The following CASR variants were observed in gnomAD, a reference collection of about 807,000 sequenced individuals.
The protein encoded by CASR is extracellular calcium-sensing receptor.
CASR carries 23 observed loss-of-function variants against 69.1 expected under a neutral mutation model. The ratio of observed to expected loss-of-function variants is 0.33; its 90% CI spans 0.24 to 0.47. The LOEUF (loss-of-function observed/expected upper bound fraction) is 0.47. Ranked by LOEUF, CASR falls within the 20% of genes least tolerant of loss-of-function variation. The probability of loss-of-function intolerance (pLI) is 1.00; values close to 1 mark genes in which losing one functional copy is unlikely to be tolerated. For synonymous variants in CASR, 541 were observed against 544.7 expected, an observed-to-expected ratio of 0.99 and a Z score of 0.10; for missense variants, 924 against 1,356.1, an observed-to-expected ratio of 0.68 and a Z score of 5.00.
intron 1 of CASR, among the ~76,000 whole-genome samples, chr3:122,190,174 C>T (rs1416686618): frequency 6.6e-6 from 1 of 152,188 alleles, no homozygotes; most frequent in African/African-American, 2.4e-5. Flanking sequence ...CAATCATGCA[C>T]TCCTTTGGGT....
At chr3:122,277,245 C>T (rs894254250) in intron 5 of CASR, among the ~76,000 whole-genome samples, 4 of 152,038 alleles carry the variant, frequency 2.6e-5, no homozygotes, top group South Asian at 2.1e-4. Flanking sequence ...CGGGGTTTCA[C>T]CATGTTGGCC....
chr3:122,282,829 T>C (rs1559967922), intron 6 of CASR, among the ~76,000 whole-genome samples: 1 of 152,192 alleles, frequency 6.6e-6, no homozygotes, highest in African/African-American at 2.4e-5. Flanking sequence ...AGTGATGGGG[T>C]TATTGCTGCT....
chr3:122,187,145 G>T (rs2107577258), intron 1 of CASR, among the ~76,000 whole-genome samples: 1 of 152,216 alleles, frequency 6.6e-6, no homozygotes, highest in South Asian at 2.1e-4. Flanking sequence ...ACCAAATGTG[G>T]TTTATACACT....
At position 122,257,329 on chromosome 3, in the gene CASR, C is replaced by G; in HGVS notation, c.434C>G (p.Thr145Ser). 6.2e-7 allele frequency: 1 copy of G among 1,614,192 alleles called. No individual in the cohort carries two copies. The highest frequency in any genetic ancestry group is 8.5e-7 in the Non-Finnish European group (1 of 1,179,996). Residue 145 changes from threonine to serine, a missense_variant, in exon 3 of 7, where the codon ACT becomes AGT. By Grantham distance (58) the Thr-to-Ser change is moderately conservative. This residue lies in a region of CASR where 141 missense variants were observed against 283.0 expected (regional missense o/e 0.50). Transcript: ENST00000639785. Reference protein sequence around the residue: ...IPSTIAVVGATGSGVSTAVAN... With the variant: ...IPSTIAVVGASGSGVSTAVAN... ...TCTACGATTGCTGTGGTGGGAGCAACTGGCTCAGGCGTCTCCACGGCAGTG... is the reference window on the plus strand; with the variant it reads ...TCTACGATTGCTGTGGTGGGAGCAAGTGGCTCAGGCGTCTCCACGGCAGTG...
intron 1 of CASR, among the ~76,000 whole-genome samples, chr3:122,214,324 A>G (rs1462697560): frequency 7.0e-6 from 1 of 142,944 alleles, no homozygotes; most frequent in Admixed American, 7.4e-5. Flanking sequence ...GCTATATAGT[A>G]TCTCAAGGTG....
rs1268409560 is a variant in CASR at position 122,284,911 on chromosome 3, C to T, written c.2957C>T (p.Ala986Val). The change falls in exon 7 of 7, where the codon GCC (alanine) becomes GTC (valine). Residue 986 changes from alanine (A) to valine (V), a missense_variant. Coordinates refer to ENST00000639785, the MANE Select transcript of CASR (RefSeq NM_000388.4). ...AGCTTTGATGAGCCTCAGAAGAACG[C>T]CATGGCCCACAGGAATTCTACGCAC... ...SLSFDEPQKNAMAHRNSTHQN... is the reference protein window; with the variant it reads ...SLSFDEPQKNVMAHRNSTHQN... The T allele has an allele frequency of 6.2e-7, 1 of 1,614,040 alleles. No individual in the cohort carries two copies. Among genetic ancestry groups the T allele is most frequent in the Admixed American group, 1.7e-5 (1 of 60,000 alleles).
In CASR at chr3:122,283,896, C is replaced by G. The variant is rs104893705; in HGVS notation, c.1942C>G (p.Arg648Gly). ...RNTPIVKATN[R>G]ELSYLLLFSL... is the part of the protein sequence containing the mutation. Reference sequence around the variant, plus strand: ...CACACCCATTGTCAAGGCCACCAACCGAGAGCTCTCCTACCTCCTCCTCTT... The same window carrying G: ...CACACCCATTGTCAAGGCCACCAACGGAGAGCTCTCCTACCTCCTCCTCTT... The change falls in exon 7 of 7, where the codon CGA (arginine) becomes GGA (glycine). Residue 648 changes from arginine (R) to glycine (G), a missense_variant. Physicochemically the swap from Arg to Gly is moderately radical, Grantham distance 125. Transcript: ENST00000639785. 6.2e-7 allele frequency: 1 copy of G among 1,613,762 alleles called. No individual in the cohort carries two copies.
At chr3:122,191,736 A>G (rs1466547256) in intron 1 of CASR, among the ~76,000 whole-genome samples, 1 of 152,284 alleles carries the variant, frequency 6.6e-6, no homozygotes, top group African/African-American at 2.4e-5. Flanking sequence ...ATAGAATTTA[A>G]TAGGAAGAAC....
At chr3:122,259,262 T>TG (rs1374954725) in intron 3 of CASR, among the ~76,000 whole-genome samples, 1 of 152,174 alleles carries the variant, frequency 6.6e-6, no homozygotes, top group Admixed American at 6.5e-5. Context: ...GACCTATTTT[T>TG]GAAAAACTCA....
chr3:122,258,838 T>C (rs1445316348), intron 3 of CASR, among the ~76,000 whole-genome samples: 1 of 151,952 alleles, frequency 6.6e-6, no homozygotes, highest in East Asian at 1.9e-4. Context: ...TCCGCAAAGA[T>C]CAAGGTTTAA....
chr3:122,186,581 G>A (rs912206172), intron 1 of CASR, among the ~76,000 whole-genome samples: 1 of 152,188 alleles, frequency 6.6e-6, no homozygotes, highest in Non-Finnish European at 1.5e-5. Context: ...CTGCTCTCCT[G>A]GAGCTTACAG....
intron 1 of CASR, among the ~76,000 whole-genome samples, chr3:122,248,889 C>T (rs780480446): frequency 1.5e-4 from 23 of 152,148 alleles, no homozygotes; most frequent in South Asian, 1.0e-3. Context: ...GTTTTGACTC[C>T]GGAACTTGGA....
At chr3:122,234,105 C>T (rs1576838498) in intron 1 of CASR, among the ~76,000 whole-genome samples, 1 of 152,218 alleles carries the variant, frequency 6.6e-6, no homozygotes, top group African/African-American at 2.4e-5. Flanking sequence ...ATAACTGTTT[C>T]CAAAGTCATG....
chr3:122,189,390 C>T (rs2073819114), intron 1 of CASR, among the ~76,000 whole-genome samples: 1 of 152,132 alleles, frequency 6.6e-6, no homozygotes, highest in South Asian at 2.1e-4. Context: ...CTCAGTTAAT[C>T]CCCAGGGTCT....
At chr3:122,267,432 A>C (rs1310912595) in intron 4 of CASR, among the ~76,000 whole-genome samples, 3 of 152,258 alleles carry the variant, frequency 2.0e-5, no homozygotes, top group Non-Finnish European at 4.4e-5. Flanking sequence ...TAAGGAAAAA[A>C]AAATATCATT....
chr3:122,192,696 A>G (rs897176456), intron 1 of CASR, among the ~76,000 whole-genome samples: 1 of 152,192 alleles, frequency 6.6e-6, no homozygotes, highest in Admixed American at 6.5e-5. Flanking sequence ...AGGGCTCTCA[A>G]ACTTTAAGGT....
At chr3:122,236,369 T>C (rs182316701) in intron 1 of CASR, among the ~76,000 whole-genome samples, 1 of 152,200 alleles carries the variant, frequency 6.6e-6, no homozygotes, top group Non-Finnish European at 1.5e-5. Flanking sequence ...TCATGATTCT[T>C]CCGGGCAAAG....
intron 6 of CASR, 75 bp downstream of exon 6, chr3:122,282,311 A>C: frequency 2.1e-6 from 3 of 1,442,994 alleles, no homozygotes; most frequent in Non-Finnish European, 2.9e-6. Context: ...AGCCCATGGA[A>C]GGGCTGGGCT....
At position 122,281,340 on chromosome 3, in the gene CASR, C is replaced by G. The variant is rs566817445; in HGVS notation, c.1609-773C>G. On this transcript the variant is annotated intron_variant, in intron 5 of 6. Transcript: ENST00000639785. ...CAACCATATCATCTGCAAATAACTA[C>G]AGTTTTATTTGGTCCTTTTCAAAAT... Among the ~76,000 whole-genome samples, 27 of 152,322 alleles carry G rather than the reference C, an allele frequency of 1.8e-4. No individual in the cohort carries two copies. The South Asian group carries it at 5.6e-3, about 32-fold the overall frequency.
Sources: gnomAD v4.1 joint callset for allele counts (sites outside exome capture counted in the v4.1 genomes callset) on GRCh38, gnomAD v4.1.1 for gene constraint, gnomAD v4.1.1 regional missense constraint, MANE v1.5 for transcripts, NCBI Gene and HGNC (gene_info 2026-07-23, HGNC 2026-07-21) for gene names.